Variants in BZW2 observed in about 807,000 individuals in gnomAD.
The protein encoded by BZW2 is eIF5-mimic protein 1.
A neutral mutation model predicts 53.2 loss-of-function variants in BZW2; 23 were observed. The ratio of observed to expected loss-of-function variants is 0.43; its 90% CI spans 0.31 to 0.61. The LOEUF is 0.61. Ranked by LOEUF, BZW2 falls within the 20% of genes least tolerant of loss-of-function variation. The probability of loss-of-function intolerance (pLI) is 0.09; values close to 1 mark genes in which losing one functional copy is unlikely to be tolerated. For synonymous variants in BZW2, 227 were observed against 186.4 expected, an observed-to-expected ratio of 1.22 and a Z score of -1.77; for missense variants, 409 against 503.1, an observed-to-expected ratio of 0.81 and a Z score of 1.79.
intron 9 of BZW2, 119 bp downstream of exon 9, chr7:16,697,180 C>A: frequency 3.2e-6 from 4 of 1,242,044 alleles, no homozygotes; most frequent in East Asian, 5.3e-5. Context: ...ACTTTGAACT[C>A]CTGGGCTCAA....
intron 1 of BZW2, among the ~76,000 whole-genome samples, chr7:16,653,034 TTG>T (rs10533020): frequency 0.62 from 93,096 of 149,868 alleles, 29,329 homozygotes; most frequent in African/African-American, 0.74. Flanking sequence ...GAAAGTAACT[TTG>T]TGTGTGTGTG....
intron 7 of BZW2, among the ~76,000 whole-genome samples, chr7:16,690,533 G>A (rs1783268941): frequency 6.6e-6 from 1 of 152,014 alleles, no homozygotes; most frequent in South Asian, 2.1e-4. Context: ...GACATTTTAA[G>A]GTTTTAATAT....
In BZW2 at chr7:16,696,918, G is replaced by A. The variant is rs776714807; in HGVS notation, c.826G>A (p.Val276Met). ...ACCCCATTTCCATGTAATGTAGGTG[G>A]TGCTTTATGTCAAAGAAGAAATGAA... ...LSQECPIKEV[V>M]LYVKEEMKRN... The change falls in exon 9 of 12, where the codon GTG becomes ATG. Residue 276 changes from valine (V) to methionine (M), a missense_variant. Coordinates refer to ENST00000258761, the MANE Select transcript of BZW2 (RefSeq NM_014038.3). 1.9e-6 allele frequency: 3 copies of A among 1,613,986 alleles called. No homozygotes were observed. The highest frequency in any genetic ancestry group is 1.1e-5 in the South Asian group (1 of 91,064).
At chr7:16,687,103 T>A (rs1403900447) in intron 6 of BZW2, 2 of 152,220 alleles carry the variant, frequency 1.3e-5, no homozygotes, top group Non-Finnish European at 2.9e-5. Flanking sequence ...CTAGTTTTTT[T>A]AAAAACCTAA....
At chr7:16,646,908 C>T (rs1203722302) in intron 1 of BZW2, among the ~76,000 whole-genome samples, 1 of 152,128 alleles carries the variant, frequency 6.6e-6, no homozygotes, top group Non-Finnish European at 1.5e-5. Flanking sequence ...CTTTGCTCTG[C>T]TAGAGTTCTC....
intron 1 of BZW2, among the ~76,000 whole-genome samples, chr7:16,664,178 G>A (rs947997625): frequency 1.3e-5 from 2 of 152,094 alleles, no homozygotes; most frequent in Non-Finnish European, 2.9e-5. Context: ...TTTATACTTT[G>A]CTCAATATAA....
intron 5 of BZW2, among the ~76,000 whole-genome samples, chr7:16,684,358 C>T (rs1176070738): frequency 6.6e-6 from 1 of 152,118 alleles, no homozygotes; most frequent in Admixed American, 6.5e-5. Flanking sequence ...CTGGTCCACT[C>T]AACAAGTTTT....
Position 16,646,246 on chromosome 7 carries a change from C to A in BZW2, c.-50C>A. 3.1e-6 allele frequency: 1 copy of A among 320,488 alleles called. No individual in the cohort carries two copies. The highest frequency in any genetic ancestry group is 2.4e-5 in the South Asian group (1 of 42,204). 19.9% of individuals were successfully genotyped at this position (320,488 alleles called of 1,614,324 possible). ...CTGCCGCTGCTGCTGCACGAATCGC[C>A]GCAGCCCCCAGCCTTGCGCGTCGTC... On this transcript the variant is annotated 5_prime_UTR_variant, in exon 1 of 12. Transcript: ENST00000258761.
At chr7:16,664,624 G>T (rs1378704368) in intron 1 of BZW2, among the ~76,000 whole-genome samples, 1 of 152,174 alleles carries the variant, frequency 6.6e-6, no homozygotes, top group African/African-American at 2.4e-5. Flanking sequence ...CAGAAATGTG[G>T]TACAGTTAGA....
chr7:16,698,323 A>G, intron 10 of BZW2, 137 bp downstream of exon 10: 1 of 1,199,530 alleles, frequency 8.3e-7, no homozygotes, highest in Non-Finnish European at 1.2e-6. Context: ...TGAAAGTTTT[A>G]TTGAGGCAAC....
At chr7:16,705,486 C>G (rs1000669547) in intron 11 of BZW2, among the ~76,000 whole-genome samples, 3 of 151,990 alleles carry the variant, frequency 2.0e-5, no homozygotes, top group African/African-American at 2.4e-5. Context: ...GAGATCGAGA[C>G]CATCTTGCCT....
intron 6 of BZW2, among the ~76,000 whole-genome samples, chr7:16,688,893 GC>G (rs1363761622): frequency 6.6e-6 from 1 of 152,034 alleles, no homozygotes; most frequent in Non-Finnish European, 1.5e-5. Flanking sequence ...ACTTGAAACA[GC>G]CTTGGTATTT....
chr7:16,690,144 T>C (rs1223652562), intron 7 of BZW2, among the ~76,000 whole-genome samples: 1 of 152,218 alleles, frequency 6.6e-6, no homozygotes, highest in Non-Finnish European at 1.5e-5. Flanking sequence ...TTTGTAAGTT[T>C]GTTGACATAG....
chr7:16,690,695 C>A (rs1386999039), intron 7 of BZW2, among the ~76,000 whole-genome samples: 4 of 152,182 alleles, frequency 2.6e-5, no homozygotes, highest in Non-Finnish European at 5.9e-5. Context: ...TAAGCTGTTG[C>A]AGAAATTAAA....
rs149497409 is a variant in BZW2 at position 16,654,786 on chromosome 7, G to A, written c.-8+8498G>A. Among the ~76,000 whole-genome samples, 578 of 151,894 alleles carry A rather than the reference G, an allele frequency of 3.8e-3. 2 individuals carry two copies. The highest frequency in any genetic ancestry group is 6.5e-3 in the Non-Finnish European group (444 of 67,972). On this transcript the variant is annotated intron_variant, in intron 1 of 11. Coordinates refer to ENST00000258761, the MANE Select transcript of BZW2 (RefSeq NM_014038.3). ...ACTCCTGACCTCAGGTGATCCGCCT[G>A]CCTCAGCCTCCCAAAGTGCTGGGAT...
intron 5 of BZW2, among the ~76,000 whole-genome samples, chr7:16,685,521 A>G (rs781345152): frequency 2.0e-5 from 3 of 152,146 alleles, no homozygotes; most frequent in Non-Finnish European, 4.4e-5. Context: ...TAGTCGCCCA[A>G]GGAAGTGGAA....
At chr7:16,667,624 G>GT (rs1299962099) in intron 2 of BZW2, among the ~76,000 whole-genome samples, 1 of 152,200 alleles carries the variant, frequency 6.6e-6, no homozygotes, top group Non-Finnish European at 1.5e-5. Context: ...AGAAGAGTTT[G>GT]TAAGAGTCAC....
intron 3 of BZW2, among the ~76,000 whole-genome samples, chr7:16,678,042 T>G (rs190576713): frequency 7.9e-5 from 12 of 151,748 alleles, no homozygotes; most frequent in African/African-American, 2.4e-4. Flanking sequence ...TTAATTATTA[T>G]GTAGAAATTT....
chr7:16,656,544 A>AGCGC (rs201292049), intron 1 of BZW2, among the ~76,000 whole-genome samples: 2 of 113,842 alleles, frequency 1.8e-5, no homozygotes, highest in African/African-American at 6.8e-5. Context: ...AGCACTCCCC[A>AGCGC]GCGCGCGCGC....
Sources: gnomAD v4.1 joint callset for allele counts (sites outside exome capture counted in the v4.1 genomes callset) on GRCh38, gnomAD v4.1.1 for gene constraint, MANE v1.5 for transcripts, NCBI Gene and HGNC (gene_info 2026-07-23, HGNC 2026-07-21) for gene names.